Variants in SPAG16 observed in about 807,000 individuals in gnomAD.
The protein encoded by SPAG16 is sperm-associated antigen 16 protein.
A neutral mutation model predicts 80.4 loss-of-function variants in SPAG16; 86 were observed. The observed-to-expected ratio is 1.07, with a 90% CI of 0.90 to 1.28. SPAG16 has a LOEUF of 1.28. Among genes scored for constraint, SPAG16 ranks in the 50% most tolerant of loss-of-function variants. The pLI is 0.00. For synonymous variants in SPAG16, 294 were observed against 265.9 expected, an observed-to-expected ratio of 1.11 and a Z score of -1.03; for missense variants, 870 against 765.3, an observed-to-expected ratio of 1.14 and a Z score of -1.61.
At chr2:213,376,323 A>G (rs1356775452) in intron 9 of SPAG16, among the ~76,000 whole-genome samples, 1 of 152,044 alleles carries the variant, frequency 6.6e-6, no homozygotes. Context: ...ATAAGAGTTT[A>G]GATTAATAAT....
At chr2:213,580,176 G>T (rs950868635) in intron 10 of SPAG16, among the ~76,000 whole-genome samples, 1 of 151,210 alleles carries the variant, frequency 6.6e-6, no homozygotes, top group African/African-American at 2.4e-5. Flanking sequence ...TCCCTGAAAT[G>T]CAGGAGACAA....
intron 10 of SPAG16, among the ~76,000 whole-genome samples, chr2:213,683,526 G>A (rs1257930480): frequency 4.0e-5 from 6 of 151,796 alleles, no homozygotes; most frequent in African/African-American, 1.5e-4. Context: ...ATTCCAGCCT[G>A]GATGATAGAG....
chr2:213,638,729 T>C (rs1418891302), intron 10 of SPAG16, among the ~76,000 whole-genome samples: 2 of 152,198 alleles, frequency 1.3e-5, no homozygotes, highest in African/African-American at 4.8e-5. Flanking sequence ...AGTTGCTAGG[T>C]AGAATGTTCT....
chr2:213,541,080 A>G (rs2031375025), intron 10 of SPAG16, among the ~76,000 whole-genome samples: 1 of 152,240 alleles, frequency 6.6e-6, no homozygotes, highest in Non-Finnish European at 1.5e-5. Context: ...TTAGGTCAGT[A>G]CTATTGTTAC....
intron 6 of SPAG16, among the ~76,000 whole-genome samples, chr2:213,346,705 CAG>C (rs1282728829): frequency 6.6e-6 from 1 of 152,098 alleles, no homozygotes; most frequent in Non-Finnish European, 1.5e-5. Flanking sequence ...TATGTTGAAC[CAG>C]CCTTGCATCC....
intron 14 of SPAG16, among the ~76,000 whole-genome samples, chr2:214,118,312 AATG>A (rs1261814102): frequency 3.3e-5 from 5 of 152,186 alleles, no homozygotes; most frequent in African/African-American, 1.2e-4. Context: ...TCTACAAAAT[AATG>A]ATGACAGGAA....
At chr2:214,035,050 C>T (rs1003246907) in intron 13 of SPAG16, among the ~76,000 whole-genome samples, 16 of 152,132 alleles carry the variant, frequency 1.1e-4, no homozygotes, top group Admixed American at 1.0e-3. Flanking sequence ...TCAGAGGAGA[C>T]ACGCAGTGGA....
chr2:214,255,456 A>G (rs1015927467), intron 15 of SPAG16, among the ~76,000 whole-genome samples: 5 of 152,142 alleles, frequency 3.3e-5, no homozygotes, highest in Middle Eastern at 6.8e-3. Flanking sequence ...CCATTTATCT[A>G]TCTTCCTACC....
intron 10 of SPAG16, among the ~76,000 whole-genome samples, chr2:213,735,703 G>A: frequency 6.6e-6 from 1 of 152,204 alleles, no homozygotes; most frequent in Non-Finnish European, 1.5e-5. Flanking sequence ...AAGTAAAAGA[G>A]GGGAATGGGT....
intron 10 of SPAG16, among the ~76,000 whole-genome samples, chr2:213,793,937 T>C (rs900763556): frequency 1.3e-5 from 2 of 152,178 alleles, no homozygotes; most frequent in African/African-American, 4.8e-5. Context: ...TGTCTTAGGT[T>C]GATTTCCTTT....
At chr2:214,091,427 C>T (rs1048544743) in intron 13 of SPAG16, among the ~76,000 whole-genome samples, 1 of 152,084 alleles carries the variant, frequency 6.6e-6, no homozygotes, top group Non-Finnish European at 1.5e-5. Context: ...GATGATTTGG[C>T]ACCAGAGTCC....
chr2:213,309,318 A>C (rs1298574776), intron 3 of SPAG16, among the ~76,000 whole-genome samples: 1 of 152,084 alleles, frequency 6.6e-6, no homozygotes, highest in Non-Finnish European at 1.5e-5. Context: ...ATTTATAAGA[A>C]CTGTTAGCTG....
At chr2:213,405,443 A>G (rs972259073) in intron 9 of SPAG16, among the ~76,000 whole-genome samples, 1 of 152,236 alleles carries the variant, frequency 6.6e-6, no homozygotes, top group Admixed American at 6.5e-5. Context: ...TGACATATCC[A>G]TCACCTCAAA....
intron 10 of SPAG16, among the ~76,000 whole-genome samples, chr2:213,642,397 T>A (rs907696277): frequency 6.6e-6 from 1 of 152,112 alleles, no homozygotes; most frequent in Non-Finnish European, 1.5e-5. Flanking sequence ...GTATTTCTTA[T>A]AGGACAGGTG....
chr2:213,288,311 A>G (rs2062132636), intron 1 of SPAG16, among the ~76,000 whole-genome samples: 3 of 152,028 alleles, frequency 2.0e-5, no homozygotes, highest in Admixed American at 2.0e-4. Flanking sequence ...TCCTTATTTT[A>G]TTTTATTTTT....
chr2:214,278,244 G>A (rs990116594), intron 15 of SPAG16, among the ~76,000 whole-genome samples: 3 of 152,204 alleles, frequency 2.0e-5, no homozygotes, highest in African/African-American at 7.2e-5. Context: ...GGCTAGGAAA[G>A]GGAAATCTCC....
At chr2:214,226,408 G>T (rs569729549) in intron 15 of SPAG16, among the ~76,000 whole-genome samples, 24 of 152,156 alleles carry the variant, frequency 1.6e-4, no homozygotes, top group African/African-American at 5.5e-4. Context: ...GGGGTAAAAG[G>T]TCTCTGATTA....
In SPAG16 at chr2:213,702,591, A is replaced by G. The variant is rs138190310; in HGVS notation, c.1071-159894A>G. On this transcript the variant is annotated intron_variant, in intron 10 of 15. Coordinates refer to ENST00000331683, the MANE Select transcript of SPAG16 (RefSeq NM_024532.5). ...ACCCACCAGTTCCGGACACAATAAT[A>G]TTTCATCTTTGTATAGTCTTTTTAA... Among the ~76,000 whole-genome samples the G allele has an allele frequency of 4.4e-3, 668 of 152,156 alleles. 8 individuals are homozygous for G. The highest frequency in any genetic ancestry group is 0.015 in the African/African-American group (630 of 41,506).
chr2:213,996,676 C>T (rs796902408), intron 12 of SPAG16, among the ~76,000 whole-genome samples: 90 of 148,556 alleles, frequency 6.1e-4, no homozygotes, highest in African/African-American at 2.2e-3. Context: ...TCAAGCGATT[C>T]TCCTGCCTCA....
Sources: gnomAD v4.1 joint callset for allele counts (sites outside exome capture counted in the v4.1 genomes callset) on GRCh38, gnomAD v4.1.1 for gene constraint, MANE v1.5 for transcripts, NCBI Gene and HGNC (gene_info 2026-07-23, HGNC 2026-07-21) for gene names.